SLIT1: variants seen among roughly 807,000 people sequenced by gnomAD.
SLIT1 encodes the protein slit homolog 1 protein.
A neutral mutation model predicts 186.1 loss-of-function variants in SLIT1; 66 were observed. The observed-to-expected ratio is 0.35, with a 90% CI of 0.29 to 0.44. SLIT1 has a LOEUF of 0.44. Among genes scored for constraint, SLIT1 ranks in the 20% least tolerant of loss-of-function variants. SLIT1 has a pLI of 1.00. For missense variants in SLIT1, 1,638 were observed against 2,037.4 expected, an observed-to-expected ratio of 0.80 and a Z score of 3.77; for synonymous variants, 761 against 833.8, an observed-to-expected ratio of 0.91 and a Z score of 1.50.
At chr10:97,144,886 CA>C (rs1849801097) in intron 4 of SLIT1, among the ~76,000 whole-genome samples, 2 of 152,246 alleles carry the variant, frequency 1.3e-5, no homozygotes, top group African/African-American at 4.8e-5. Flanking sequence ...CAATCACCCC[CA>C]ATCTTCATAA....
intron 20 of SLIT1, among the ~76,000 whole-genome samples, chr10:97,040,781 A>G (rs1848683812): frequency 6.6e-6 from 1 of 152,198 alleles, no homozygotes; most frequent in Non-Finnish European, 1.5e-5. Flanking sequence ...TGATTCATTC[A>G]TCTATTCAAA....
chr10:97,036,277 G>T (rs1051629917), intron 22 of SLIT1, among the ~76,000 whole-genome samples: 3 of 152,192 alleles, frequency 2.0e-5, no homozygotes, highest in Non-Finnish European at 4.4e-5. Flanking sequence ...TGATGAGGAG[G>T]TGGTGGTACT....
chr10:97,163,051 C>A (rs182375650), intron 3 of SLIT1, among the ~76,000 whole-genome samples: 1 of 152,198 alleles, frequency 6.6e-6, no homozygotes, highest in African/African-American at 2.4e-5. Flanking sequence ...CAATGGACAG[C>A]GGTTATGTCA....
At chr10:97,089,565 G>A (rs1849207615) in intron 4 of SLIT1, among the ~76,000 whole-genome samples, 1 of 152,232 alleles carries the variant, frequency 6.6e-6, no homozygotes, top group Non-Finnish European at 1.5e-5. Context: ...GATGTGTCCT[G>A]TGTGACTAAT....
At chr10:97,071,421 C>T (rs931320230) in intron 4 of SLIT1, among the ~76,000 whole-genome samples, 1 of 152,218 alleles carries the variant, frequency 6.6e-6, no homozygotes, top group African/African-American at 2.4e-5. Context: ...GCTGGGCCGG[C>T]ACTCACATCC....
intron 22 of SLIT1, among the ~76,000 whole-genome samples, chr10:97,034,767 T>C (rs997935968): frequency 2.6e-5 from 4 of 151,814 alleles, no homozygotes; most frequent in African/African-American, 9.7e-5. Flanking sequence ...GTGCCTCCAT[T>C]TCCTGACCCT....
rs768199541 is a variant in SLIT1, at chr10:97,046,678, C to T, written c.1829G>A (p.Arg610Gln). 12 of 1,609,920 alleles carry T rather than the reference C, an allele frequency of 7.5e-6. No homozygotes were observed. The highest frequency in any genetic ancestry group is 4.5e-5 in the East Asian group (2 of 44,890). Residue 610 changes from arginine (R) to glutamine (Q), a missense_variant, in exon 18 of 37, where the codon CGG becomes CAG. This residue lies in a region of SLIT1 where 1,245 missense variants were observed against 1,535.3 expected (regional missense o/e 0.81). Transcript: ENST00000266058. Reference protein sequence around the residue: ...QLESIRSGMFRGLDGLRTLML... With the variant: ...QLESIRSGMFQGLDGLRTLML... ...CAGGGTCCTCAAGCCATCCAGACCCCGGAACATGCCGCTCCGGATGGACTC... is the reference window on the plus strand; with the variant it reads ...CAGGGTCCTCAAGCCATCCAGACCCTGGAACATGCCGCTCCGGATGGACTC...
intron 31 of SLIT1, among the ~76,000 whole-genome samples, chr10:97,007,129 A>G (rs1848366154): frequency 6.6e-6 from 1 of 152,242 alleles, no homozygotes; most frequent in Non-Finnish European, 1.5e-5. Flanking sequence ...AAGAAGGGAC[A>G]TTACTACCAA....
At chr10:97,178,741 A>G (rs1301302600) in intron 1 of SLIT1, among the ~76,000 whole-genome samples, 1 of 152,088 alleles carries the variant, frequency 6.6e-6, no homozygotes, top group African/African-American at 2.4e-5. Context: ...AAGGTTCAGA[A>G]AAAAAATTAC....
chr10:97,165,339 G>A (rs1224615673), intron 1 of SLIT1, among the ~76,000 whole-genome samples: 3 of 152,128 alleles, frequency 2.0e-5, no homozygotes, highest in African/African-American at 4.8e-5. Flanking sequence ...CATAGCCTGC[G>A]CTTGCAAAGG....
Position 97,043,575 on chromosome 10 carries a change from C to A in SLIT1, c.1854-62G>T. The A allele has an allele frequency of 6.7e-7, 1 of 1,498,638 alleles. No homozygotes were observed. The allele number at this position is 1,498,638 out of a possible 1,614,324, so 92.8% of individuals were successfully genotyped here. A position where few individuals can be genotyped will look rare whatever the true frequency, so the allele number is the denominator to read the frequency against. On this transcript the variant is annotated intron_variant, in intron 18 of 36. Coordinates refer to ENST00000266058, the MANE Select transcript of SLIT1 (RefSeq NM_003061.3). The surrounding 1 kb of genome is among the most constrained non-coding windows in gnomAD (Gnocchi z 7.0). The stretch of plus-strand genomic sequence containing the variant: ...CTGCCCTGCCAGCCATCCACCTGGG[C>A]CACGCAGCTTCCGCCATCGTGGCTC...
intron 4 of SLIT1, among the ~76,000 whole-genome samples, chr10:97,090,601 G>C (rs924679911): frequency 3.4e-4 from 51 of 152,160 alleles, no homozygotes; most frequent in Admixed American, 3.9e-4. Flanking sequence ...GGGTGTTGGG[G>C]GGGGCAGTGA....
At chr10:97,018,031 T>C (rs1398709937) in intron 28 of SLIT1, among the ~76,000 whole-genome samples, 1 of 151,936 alleles carries the variant, frequency 6.6e-6, no homozygotes, top group Non-Finnish European at 1.5e-5. Flanking sequence ...GTATTTTTAT[T>C]AGAGATGGGG....
chr10:97,042,284 G>A (rs1848696850), intron 20 of SLIT1, among the ~76,000 whole-genome samples: 1 of 152,164 alleles, frequency 6.6e-6, no homozygotes, highest in Admixed American at 6.5e-5. Context: ...GGAAGCTGAG[G>A]TCAGCCAGGG....
intron 35 of SLIT1, 116 bp from the exon 36 acceptor site, chr10:97,002,485 ATCTG>A: frequency 1.2e-6 from 1 of 818,508 alleles, no homozygotes; most frequent in Non-Finnish European, 1.9e-6. Context: ...CAGGTCTTTA[ATCTG>A]TTCCCAAAAC....
At position 97,088,932 on chromosome 10, in the gene SLIT1, A is replaced by G. The variant is rs571938006; in HGVS notation, c.414-22846T>C. ...GGATCTAGAGACCAAGGGAAGAAAG[A>G]GGCTGGATCACACTTGTTTATCAGA... On this transcript the variant is annotated intron_variant, in intron 4 of 36. Transcript: ENST00000266058. Among the ~76,000 whole-genome samples the G allele has an allele frequency of 2.3e-3, 351 of 152,318 alleles. 1 individual carries two copies. The highest frequency in any genetic ancestry group is 7.7e-3 in the African/African-American group (322 of 41,566).
intron 4 of SLIT1, among the ~76,000 whole-genome samples, chr10:97,098,125 C>T (rs1466467285): frequency 6.6e-6 from 1 of 152,202 alleles, no homozygotes; most frequent in Non-Finnish European, 1.5e-5. Context: ...CAAGTGCCTT[C>T]CACAGATGGG....
chr10:97,164,939 C>T (rs1331439415), intron 1 of SLIT1, 49 bp from the exon 2 acceptor site: 3 of 1,472,382 alleles, frequency 2.0e-6, no homozygotes, highest in Admixed American at 1.7e-5. Flanking sequence ...AGGGTAAGCC[C>T]CCAGGCCAGG....
intron 9 of SLIT1, 57 bp downstream of exon 9, chr10:97,060,583 C>A (rs1589378531): frequency 6.2e-7 from 1 of 1,604,098 alleles, no homozygotes; most frequent in Non-Finnish European, 8.5e-7. Flanking sequence ...CACTGGCCCT[C>A]CAGAGCCAGG....
Sources: gnomAD v4.1 joint callset for allele counts (sites outside exome capture counted in the v4.1 genomes callset) on GRCh38, gnomAD v4.1.1 for gene constraint, gnomAD v4.1.1 regional missense constraint, Gnocchi (gnomAD v3.1) non-coding constraint, MANE v1.5 for transcripts, NCBI Gene and HGNC (gene_info 2026-07-23, HGNC 2026-07-21) for gene names.